AP2A1: variants seen among roughly 807,000 people sequenced by gnomAD.
AP2A1 encodes the protein adaptor related protein complex 2 subunit alpha 1, also known as AP-2 complex subunit alpha-1.
Under a neutral mutation model 107.3 loss-of-function variants are expected in AP2A1, and 21 were observed. The observed-to-expected ratio is 0.20, with a 90% CI of 0.14 to 0.28. AP2A1 has a LOEUF of 0.28. Among genes scored for constraint, AP2A1 ranks in the 10% least tolerant of loss-of-function variants. AP2A1 has a pLI of 1.00. For synonymous variants in AP2A1, 602 were observed against 564.8 expected (o/e 1.07, Z -0.93); for missense variants, 873 against 1,307.7 (o/e 0.67, Z 5.13).
intron 4 of AP2A1, among the ~76,000 whole-genome samples, chr19:49,786,120 G>T (rs544843884): frequency 2.0e-5 from 3 of 152,110 alleles, no homozygotes; most frequent in African/African-American, 7.2e-5. Context: ...ACAAATGTGT[G>T]CCTGTAATCC....
At position 49,806,098 on chromosome 19, in the gene AP2A1, C is replaced by T. The variant is rs1245681421; in HGVS notation, c.2656-21C>T. 10 of 1,569,154 alleles carry T rather than the reference C, an allele frequency of 6.4e-6. No individual in the cohort carries two copies. The East Asian group carries it at 7.1e-5, about 11-fold the overall frequency. On this transcript the variant is annotated intron_variant, in intron 21 of 22. Coordinates refer to ENST00000354293, the MANE Select transcript of AP2A1 (RefSeq NM_130787.3). ...AACTAACAGCTCTGGCACACTCTGACGGCGCCCCCCCTCCTCCCAGCTTCT... is the reference window on the plus strand; with the variant it reads ...AACTAACAGCTCTGGCACACTCTGATGGCGCCCCCCCTCCTCCCAGCTTCT...
chr19:49,805,835 C>G (rs757744457), intron 20 of AP2A1, 37 bp from the exon 21 acceptor site: 1 of 1,613,100 alleles, frequency 6.2e-7, no homozygotes, highest in Non-Finnish European at 8.5e-7. Flanking sequence ...CGGGTCGGGC[C>G]GTCCAGGTCC....
chr19:49,779,597 A>G (rs921366131), intron 1 of AP2A1, among the ~76,000 whole-genome samples: 1 of 151,400 alleles, frequency 6.6e-6, no homozygotes, highest in Non-Finnish European at 1.5e-5. Flanking sequence ...TCAATACTTT[A>G]TAATTTGTAT....
chr19:49,796,021 C>G (rs2073209638), intron 7 of AP2A1: 1 of 401,152 alleles, frequency 2.5e-6, no homozygotes, highest in East Asian at 4.6e-5. Flanking sequence ...TTAACTGTGC[C>G]TGTTTTATAG....
chr19:49,770,178 A>G (rs1450525321), intron 1 of AP2A1, among the ~76,000 whole-genome samples: 1 of 152,120 alleles, frequency 6.6e-6, no homozygotes, highest in African/African-American at 2.4e-5. Flanking sequence ...CTGGGATACA[A>G]CTTGAAGGAA....
At chr19:49,799,562 C>T (rs2073251565) in intron 9 of AP2A1, 67 bp downstream of exon 9, 12 of 1,600,738 alleles carry the variant, frequency 7.5e-6, no homozygotes, top group African/African-American at 2.7e-5. Context: ...CTCAGAGGCC[C>T]TTGGGTGGCC....
At chr19:49,771,629 G>A (rs2084559057) in intron 1 of AP2A1, among the ~76,000 whole-genome samples, 1 of 151,918 alleles carries the variant, frequency 6.6e-6, no homozygotes, top group Non-Finnish European at 1.5e-5. Context: ...GGCTGGTCTC[G>A]AACTCCTGAT....
At chr19:49,775,883 A>G (rs897948362) in intron 1 of AP2A1, among the ~76,000 whole-genome samples, 1 of 152,176 alleles carries the variant, frequency 6.6e-6, no homozygotes, top group African/African-American at 2.4e-5. Flanking sequence ...GGCAGGGCCC[A>G]GGTTTGACAG....
rs1568579991 is a variant in AP2A1, at chr19:49,788,160, T to C, written c.474-3775T>C. ...CAGGGTCTCACTATATTACCCAGGC[T>C]AGTCTTGAACTCCTGAGCTCAAGTG... On this transcript the variant is annotated intron_variant, in intron 4 of 22. Coordinates refer to ENST00000354293, the MANE Select transcript of AP2A1 (RefSeq NM_130787.3). The surrounding 1 kb of genome is among the most constrained non-coding windows in gnomAD (Gnocchi z 4.5). Among the ~76,000 whole-genome samples the C allele has an allele frequency of 6.6e-6, 1 of 152,014 alleles. No individual in the cohort carries two copies. The highest frequency in any genetic ancestry group is 1.5e-5 in the Non-Finnish European group (1 of 67,986).
rs2084724798 is a variant in AP2A1 at position 49,785,395 on chromosome 19, G to A, written c.473+2671G>A. Among the ~76,000 whole-genome samples, 1 of 152,086 alleles carries A rather than the reference G, an allele frequency of 6.6e-6. No homozygotes were observed. The highest frequency in any genetic ancestry group is 6.6e-5 in the Admixed American group (1 of 15,250). On this transcript the variant is annotated intron_variant, in intron 4 of 22. Transcript: ENST00000354293. This position sits in a 1 kb window ranked among gnomAD's most constrained non-coding sequence, Gnocchi z 4.1. Reference sequence around the variant, plus strand: ...TATATGTGCTGTGCTAGGATGAGGTGGGGACATTGAACAGGTGAGTGAATG... The same window carrying A: ...TATATGTGCTGTGCTAGGATGAGGTAGGGACATTGAACAGGTGAGTGAATG...
intron 1 of AP2A1, among the ~76,000 whole-genome samples, chr19:49,780,873 C>T (rs1443695289): frequency 1.3e-5 from 2 of 152,042 alleles, no homozygotes; most frequent in African/African-American, 4.8e-5. Context: ...AAGACCCTGT[C>T]TCAAAAATTA....
At chr19:49,777,450 A>G (rs929942597) in intron 1 of AP2A1, among the ~76,000 whole-genome samples, 110 of 149,038 alleles carry the variant, frequency 7.4e-4, no homozygotes, top group African/African-American at 2.6e-3. Flanking sequence ...CCTAGCTAAC[A>G]TGGTGAAACC....
intron 1 of AP2A1, among the ~76,000 whole-genome samples, chr19:49,778,621 C>T (rs2084641180): frequency 6.6e-6 from 1 of 152,014 alleles, no homozygotes; most frequent in Admixed American, 6.6e-5. Flanking sequence ...ATGGGACTGT[C>T]CTGTAGGCAA....
At chr19:49,800,751 A>G (rs1051443655) in intron 11 of AP2A1, 19 of 500,270 alleles carry the variant, frequency 3.8e-5, no homozygotes, top group Non-Finnish European at 6.4e-5. Flanking sequence ...GATTACAGGC[A>G]TGAGCCACTG....
chr19:49,805,214 C>T (rs2073348148), intron 18 of AP2A1: 3 of 473,340 alleles, frequency 6.3e-6, no homozygotes, highest in African/African-American at 1.9e-5. Flanking sequence ...AGAGCTAATA[C>T]TATTATGTCT....
chr19:49,768,746 G>A (rs1016465111), intron 1 of AP2A1, among the ~76,000 whole-genome samples: 5 of 152,108 alleles, frequency 3.3e-5, no homozygotes, highest in African/African-American at 9.7e-5. Flanking sequence ...GTTAGCAGAC[G>A]GGGGCTGCCT....
At chr19:49,791,093 C>T (rs1406421038) in intron 4 of AP2A1, among the ~76,000 whole-genome samples, 1 of 152,262 alleles carries the variant, frequency 6.6e-6, no homozygotes, top group Non-Finnish European at 1.5e-5. Context: ...TGCAGGCCTC[C>T]TTGCTGCTCC....
Position 49,799,493 on chromosome 19 carries a change from A to G in AP2A1, c.1132A>G (p.Lys378Glu). 1 of 1,611,222 alleles carries G rather than the reference A, an allele frequency of 6.2e-7. No individual in the cohort carries two copies. Among genetic ancestry groups the G allele is most frequent in the Non-Finnish European group, 8.5e-7 (1 of 1,179,578 alleles). The change falls in exon 9 of 23, where the codon AAG (lysine) becomes GAG (glutamate). Residue 378 changes from lysine (K) to glutamate (E), a missense_variant and splice_region_variant. By Grantham distance (56) the Lys-to-Glu change is moderately conservative. Around this residue, in one of 4 missense-constraint regions of AP2A1, gnomAD observed 213 missense variants for 443.5 expected, o/e 0.48. Transcript: ENST00000354293. ...THIDTVINAL[K>E]TERDVSVRQR... ...CATTGACACCGTCATCAATGCCCTC[A>G]AGGTGTGAGCCCTTGGAGCCCACCC...
At chr19:49,802,852 G>A in intron 15 of AP2A1, 97 bp from the exon 16 acceptor site, 3 of 1,399,120 alleles carry the variant, frequency 2.1e-6, no homozygotes, top group Non-Finnish European at 3.0e-6. Context: ...TGGTTCTGGG[G>A]TTCTGTCCTT....
Sources: allele counts gnomAD v4.1 joint callset (sites outside exome capture counted in the v4.1 genomes callset), GRCh38; gene constraint gnomAD v4.1.1; regional missense constraint gnomAD v4.1.1; non-coding constraint Gnocchi (gnomAD v3.1); transcripts MANE v1.5; gene names NCBI Gene and HGNC (gene_info 2026-07-23, HGNC 2026-07-21).